CDK13: variants seen among roughly 807,000 people sequenced by gnomAD.
The protein encoded by CDK13 is cyclin-dependent kinase 13.
CDK13 carries 40 observed loss-of-function variants against 137.6 expected under a neutral mutation model. The ratio of observed to expected loss-of-function variants is 0.29; its 90% CI spans 0.23 to 0.38. The LOEUF is 0.38. Among genes scored for constraint, CDK13 ranks in the 10% least tolerant of loss-of-function variants. The pLI is 1.00. For synonymous variants in CDK13, 869 were observed against 760.1 expected (o/e 1.14, Z -2.36); for missense variants, 1,704 against 1,951.8 (o/e 0.87, Z 2.39).
At chr7:40,020,628 C>T (rs1785097321) in intron 5 of CDK13, among the ~76,000 whole-genome samples, 1 of 152,116 alleles carries the variant, frequency 6.6e-6, no homozygotes, top group South Asian at 2.1e-4. Flanking sequence ...TTATAACAGA[C>T]ACTACATTAA....
intron 6 of CDK13, among the ~76,000 whole-genome samples, chr7:40,047,377 A>G (rs10252631): frequency 0.23 from 34,785 of 152,010 alleles, 6,946 homozygotes; most frequent in African/African-American, 0.52. Flanking sequence ...ACAGTGTTCT[A>G]TGCACCTAGC....
chr7:40,002,459 T>C (rs1008683848), intron 5 of CDK13, among the ~76,000 whole-genome samples: 3 of 152,196 alleles, frequency 2.0e-5, no homozygotes, highest in African/African-American at 2.4e-5. Context: ...AAATTGCCTT[T>C]AATAATCTAT....
At chr7:39,969,868 G>T (rs1239375512) in intron 1 of CDK13, among the ~76,000 whole-genome samples, 2 of 152,072 alleles carry the variant, frequency 1.3e-5, no homozygotes, top group East Asian at 3.8e-4. Context: ...TACTAAAGTT[G>T]TAAGAATTCT....
chr7:40,004,652 G>A (rs1472679347), intron 5 of CDK13, among the ~76,000 whole-genome samples: 2 of 152,162 alleles, frequency 1.3e-5, no homozygotes, highest in Admixed American at 6.5e-5. Context: ...AACTAAATTT[G>A]ATTGTCTAGT....
At chr7:40,047,006 C>T (rs1003325918) in intron 6 of CDK13, among the ~76,000 whole-genome samples, 4 of 113,176 alleles carry the variant, frequency 3.5e-5, no homozygotes, top group Middle Eastern at 0.013. Flanking sequence ...AAGCAAGACT[C>T]GGTCTCAAAA....
chr7:40,062,725 T>A, intron 7 of CDK13, 101 bp from the exon 8 acceptor site: 1 of 816,470 alleles, frequency 1.2e-6, no homozygotes, highest in Non-Finnish European at 2.0e-6. Flanking sequence ...GTGTTTTTAG[T>A]TAGGATTATA....
chr7:40,021,223 G>A (rs1227534844), intron 5 of CDK13, among the ~76,000 whole-genome samples: 2 of 151,270 alleles, frequency 1.3e-5, no homozygotes, highest in South Asian at 2.1e-4. Context: ...TTGACTGGGC[G>A]CGGTGGCTCA....
chr7:40,023,253 C>A (rs1562734321), intron 5 of CDK13, among the ~76,000 whole-genome samples: 1 of 151,974 alleles, frequency 6.6e-6, no homozygotes, highest in Non-Finnish European at 1.5e-5. Context: ...CCATCATGCC[C>A]AGCTAATTTT....
In CDK13 at chr7:39,951,138, C is replaced by A. The variant is rs1349460021; in HGVS notation, c.497C>A (p.Thr166Lys). ...CTGCTGGGGGGGGCCAGCGCGGCAA[C>A]GGCGGCGACGGCTGCCGGGGGAACG... The part of the protein sequence containing the change: ...GLLLGGASAA[T>K]AATAAGGTGG... Residue 166 changes from threonine (T) to lysine (K), a missense_variant, in exon 1 of 14, where the codon ACG becomes AAG. Transcript: ENST00000181839. 8.1e-7 allele frequency: 1 copy of A among 1,242,116 alleles called. No individual in the cohort carries two copies. Among genetic ancestry groups the A allele is most frequent in the Non-Finnish European group, 1.0e-6 (1 of 994,438 alleles). 76.9% of individuals were successfully genotyped at this position (1,242,116 alleles called of 1,614,324 possible). A position where few individuals can be genotyped will look rare whatever the true frequency, so the allele number is the denominator to read the frequency against.
At chr7:40,043,317 T>A (rs1298382303) in intron 5 of CDK13, among the ~76,000 whole-genome samples, 1 of 152,232 alleles carries the variant, frequency 6.6e-6, no homozygotes, top group Non-Finnish European at 1.5e-5. Flanking sequence ...TGGTGTGTAT[T>A]ATTTCCACTG....
chr7:39,950,272 GC>G lies in CDK13; in HGVS notation c.-367del. The G allele has an allele frequency of 2.8e-6, 3 of 1,053,374 alleles. No individual in the cohort carries two copies. Among genetic ancestry groups the G allele is most frequent in the Non-Finnish European group, 3.4e-6 (3 of 874,316 alleles). The allele number at this position is 1,053,374 out of a possible 1,614,324, so 65.3% of individuals were successfully genotyped here. A position where few individuals can be genotyped will look rare whatever the true frequency, so the allele number is the denominator to read the frequency against. The stretch of plus-strand genomic sequence containing the variant: ...GAAGGTGGTACTTCCGCGTTGCGCT[GC>G]CCGAGCCGAGAGCGCGGCCAAGGCC... On this transcript the variant is annotated 5_prime_UTR_variant, in exon 1 of 14. Transcript: ENST00000181839.
chr7:40,049,798 T>G (rs1405750273), intron 7 of CDK13, among the ~76,000 whole-genome samples: 2 of 151,986 alleles, frequency 1.3e-5, no homozygotes, highest in Non-Finnish European at 2.9e-5. Flanking sequence ...TGAGTTGAGG[T>G]TTTTTAGATT....
intron 5 of CDK13, among the ~76,000 whole-genome samples, chr7:40,024,158 T>C (rs937622089): frequency 6.6e-5 from 10 of 152,308 alleles, no homozygotes; most frequent in African/African-American, 2.2e-4. Flanking sequence ...CTAGGTACTT[T>C]GACGTGTGTG....
At chr7:40,067,434 C>G (rs982706491) in intron 9 of CDK13, 6 of 152,338 alleles carry the variant, frequency 3.9e-5, no homozygotes, top group African/African-American at 9.7e-5. Context: ...ATCCCAGCTC[C>G]TTGGGAGGCT....
chr7:40,048,529 A>C (rs896517757), intron 7 of CDK13: 1 of 152,098 alleles, frequency 6.6e-6, no homozygotes, highest in Non-Finnish European at 1.5e-5. Context: ...TCTTTAGTCC[A>C]TTTACCCCAT....
At chr7:39,979,509 C>T (rs1784180469) in intron 1 of CDK13, among the ~76,000 whole-genome samples, 1 of 152,024 alleles carries the variant, frequency 6.6e-6, no homozygotes, top group African/African-American at 2.4e-5. Flanking sequence ...AGCCACCACA[C>T]GTGGCCAAGA....
chr7:40,055,482 T>C (rs1159600044), intron 7 of CDK13, among the ~76,000 whole-genome samples: 1 of 152,118 alleles, frequency 6.6e-6, no homozygotes, highest in Non-Finnish European at 1.5e-5. Context: ...TTCTTCTTTG[T>C]GTGATCTAAA....
intron 5 of CDK13, among the ~76,000 whole-genome samples, chr7:40,023,720 C>T (rs1034207232): frequency 1.3e-5 from 2 of 151,900 alleles, no homozygotes; most frequent in Non-Finnish European, 2.9e-5. Context: ...AGGATGGTCT[C>T]GTGATCCGCC....
At chr7:39,986,489 C>G (rs924752216) in intron 1 of CDK13, 1 of 152,156 alleles carries the variant, frequency 6.6e-6, no homozygotes, top group Non-Finnish European at 1.5e-5. Context: ...CTAGTTCAGA[C>G]TATACTACTA....
Sources: allele counts gnomAD v4.1 joint callset (sites outside exome capture counted in the v4.1 genomes callset), GRCh38; gene constraint gnomAD v4.1.1; transcripts MANE v1.5; gene names NCBI Gene and HGNC (gene_info 2026-07-23, HGNC 2026-07-21).